Variants in AGBL2 observed in about 807,000 individuals in gnomAD.
The protein encoded by AGBL2 is cytosolic carboxypeptidase 2.
A neutral mutation model predicts 103.0 loss-of-function variants in AGBL2; 87 were observed. That is an observed-to-expected ratio of 0.84 (90% CI 0.71 to 1.01). AGBL2 has a LOEUF of 1.01. Among genes scored for constraint, AGBL2 ranks in the 50% least tolerant of loss-of-function variants. The probability of loss-of-function intolerance (pLI) is 0.00; values close to 1 mark genes in which losing one functional copy is unlikely to be tolerated. For synonymous variants in AGBL2, 335 were observed against 356.7 expected, an observed-to-expected ratio of 0.94 and a Z score of 0.69; for missense variants, 904 against 1,023.5, an observed-to-expected ratio of 0.88 and a Z score of 1.59.
At position 47,704,638 on chromosome 11, in the gene AGBL2, T is replaced by C. The variant is rs779854706; in HGVS notation, c.491A>G (p.Gln164Arg). ...GGTAGACAAAATGGAAAAGAGCTCTTGGGGTTCTCGAAGACGTGGGTTTAC... is the reference window on the plus strand; with the variant it reads ...GGTAGACAAAATGGAAAAGAGCTCTCGGGGTTCTCGAAGACGTGGGTTTAC... ...DEVNPRLREP[Q>R]ELFSILSTKR... is the part of the protein sequence containing the mutation. The change falls in exon 7 of 19, where the codon CAA (glutamine) becomes CGA (arginine). Residue 164 changes from glutamine (Q) to arginine (R), a missense_variant. Physicochemically the swap from Gln to Arg is conservative, Grantham distance 43 (BLOSUM62 1). Coordinates refer to ENST00000525123, the MANE Select transcript of AGBL2 (RefSeq NM_024783.4). 1.2e-6 allele frequency: 2 copies of C among 1,614,038 alleles called. No individual in the cohort carries two copies. The highest frequency in any genetic ancestry group is 1.7e-6 in the Non-Finnish European group (2 of 1,179,946).
At chr11:47,662,946 C>T (rs2153802499) in intron 18 of AGBL2, 80 bp downstream of exon 18, 2 of 1,226,076 alleles carry the variant, frequency 1.6e-6, no homozygotes, top group East Asian at 4.8e-5. Flanking sequence ...TCACCGCCCT[C>T]CAAATCACAT....
At chr11:47,661,439 T>C (rs549922715) in intron 18 of AGBL2, among the ~76,000 whole-genome samples, 1 of 152,300 alleles carries the variant, frequency 6.6e-6, no homozygotes, top group East Asian at 1.9e-4. Context: ...TCATTTTCTG[T>C]CATAATATGG....
intron 8 of AGBL2, 144 bp downstream of exon 8, chr11:47,699,302 C>T (rs2097488964): frequency 2.1e-6 from 1 of 473,276 alleles, no homozygotes; most frequent in African/African-American, 2.0e-5. Context: ...GGTTATGACT[C>T]CTCCTCCAGG....
At chr11:47,696,563 G>A (rs1356831272) in intron 8 of AGBL2, among the ~76,000 whole-genome samples, 2 of 151,866 alleles carry the variant, frequency 1.3e-5, no homozygotes, top group Non-Finnish European at 2.9e-5. Flanking sequence ...CAGGCCCCAG[G>A]TGGGCCTGGG....
At chr11:47,712,812 G>A (rs973860166) in intron 3 of AGBL2, among the ~76,000 whole-genome samples, 1 of 152,150 alleles carries the variant, frequency 6.6e-6, no homozygotes. Flanking sequence ...GGCTGAGGTG[G>A]GTGGATCACC....
intron 14 of AGBL2, 106 bp downstream of exon 14, chr11:47,677,165 G>C (rs953016830): frequency 3.3e-5 from 32 of 968,312 alleles, no homozygotes; most frequent in Non-Finnish European, 3.7e-5. Context: ...AGATCACCAA[G>C]CCCAGCTAAT....
At chr11:47,678,325 A>ATTATTTTTTTT (rs1565026399) in intron 13 of AGBL2, among the ~76,000 whole-genome samples, 6 of 116,046 alleles carry the variant, frequency 5.2e-5, no homozygotes, top group Non-Finnish European at 9.9e-5. Flanking sequence ...ATTTTATTTT[A>ATTATTTTTTTT]TTTTATTTTA....
chr11:47,662,213 A>G (rs10838741), intron 18 of AGBL2, among the ~76,000 whole-genome samples: 53,463 of 151,868 alleles, frequency 0.35, 10,635 homozygotes, highest in South Asian at 0.52. Context: ...TCACTCTGTC[A>G]CCCAGGCTGG....
chr11:47,704,822 T>C (rs1599081996), intron 6 of AGBL2, 94 bp from the exon 7 acceptor site: 1 of 924,736 alleles, frequency 1.1e-6, no homozygotes, highest in Non-Finnish European at 1.6e-6. Flanking sequence ...TTAAGCATTA[T>C]ATTAAAATAT....
intron 8 of AGBL2, among the ~76,000 whole-genome samples, chr11:47,693,904 G>A (rs1459519287): frequency 6.6e-6 from 1 of 152,030 alleles, no homozygotes; most frequent in Non-Finnish European, 1.5e-5. Flanking sequence ...AATAACCAGG[G>A]CTTGGCTAGG....
chr11:47,674,293 G>A (rs909654247), intron 14 of AGBL2, among the ~76,000 whole-genome samples: 2 of 151,972 alleles, frequency 1.3e-5, no homozygotes, highest in African/African-American at 4.8e-5. Context: ...TGGGCGCGGT[G>A]GCTCACGCCT....
intron 17 of AGBL2, among the ~76,000 whole-genome samples, chr11:47,666,073 G>C (rs536028322): frequency 6.6e-6 from 1 of 151,470 alleles, no homozygotes; most frequent in Non-Finnish European, 1.5e-5. Flanking sequence ...CACCATGGCC[G>C]GACAGCCTAT....
At chr11:47,703,925 C>CA (rs372708144) in intron 7 of AGBL2, among the ~76,000 whole-genome samples, 39,123 of 84,838 alleles carry the variant, frequency 0.46, 7,590 homozygotes, top group South Asian at 0.56. Context: ...AAGTCAGTCT[C>CA]AAAAAAAAAA....
intron 16 of AGBL2, 145 bp from the exon 17 acceptor site, chr11:47,667,208 G>T: frequency 1.6e-6 from 1 of 644,332 alleles, no homozygotes; most frequent in Non-Finnish European, 2.7e-6. Context: ...CTTGGACAAA[G>T]ATTGATGAGC....
chr11:47,687,695 C>G (rs2097429492), intron 10 of AGBL2, among the ~76,000 whole-genome samples: 1 of 152,076 alleles, frequency 6.6e-6, no homozygotes, highest in Non-Finnish European at 1.5e-5. Context: ...TGAGCAGATG[C>G]TAGCACCATG....
chr11:47,692,556 C>T lies in AGBL2; in HGVS notation c.695-300G>A, dbSNP rs576807753. On this transcript the variant is annotated intron_variant, in intron 8 of 18. Coordinates refer to ENST00000525123, the MANE Select transcript of AGBL2 (RefSeq NM_024783.4). The stretch of plus-strand genomic sequence containing the variant: ...CCTCCCGAGTAGCTGGGACTACAGG[C>T]GCCCACCACCACGCCTGGCTAATTT... Among the ~76,000 whole-genome samples the T allele has an allele frequency of 7.9e-5, 12 of 151,274 alleles. No individual in the cohort carries two copies. The South Asian group carries it at 1.3e-3, about 16-fold the overall frequency.
chr11:47,662,918 G>A, intron 18 of AGBL2, 108 bp downstream of exon 18: 2 of 935,540 alleles, frequency 2.1e-6, no homozygotes, highest in Non-Finnish European at 3.3e-6. Flanking sequence ...ATCCGAGAAG[G>A]TAAAACTGGA....
intron 15 of AGBL2, 59 bp from the exon 16 acceptor site, chr11:47,667,755 T>C: frequency 1.3e-6 from 2 of 1,570,354 alleles, no homozygotes; most frequent in Non-Finnish European, 1.7e-6. Flanking sequence ...CCCACCCACA[T>C]GTGGCACTCT....
At chr11:47,689,661 A>C (rs2097437479) in intron 10 of AGBL2, among the ~76,000 whole-genome samples, 1 of 152,120 alleles carries the variant, frequency 6.6e-6, no homozygotes, top group South Asian at 2.1e-4. Flanking sequence ...CTACCTCATA[A>C]TGTTAATGTG....
Sources: gnomAD v4.1 joint callset for allele counts (sites outside exome capture counted in the v4.1 genomes callset) on GRCh38, gnomAD v4.1.1 for gene constraint, MANE v1.5 for transcripts, NCBI Gene and HGNC (gene_info 2026-07-23, HGNC 2026-07-21) for gene names.